Variants in CCSER1 observed in about 807,000 individuals in gnomAD.
CCSER1 encodes the protein serine-rich coiled-coil domain-containing protein 1.
In CCSER1, 41 loss-of-function variants were observed where a neutral mutation model predicts 82.0. That is an observed-to-expected ratio of 0.50 (90% CI 0.39 to 0.65). The LOEUF is 0.65. Among genes scored for constraint, CCSER1 ranks in the 30% least tolerant of loss-of-function variants. CCSER1 has a pLI of 0.00. For synonymous variants in CCSER1, 414 were observed against 383.9 expected (o/e 1.08, Z -0.92); for missense variants, 1,119 against 1,064.2 (o/e 1.05, Z -0.72).
intron 1 of CCSER1, among the ~76,000 whole-genome samples, chr4:90,147,784 T>A (rs563301716): frequency 6.6e-6 from 1 of 152,118 alleles, no homozygotes; most frequent in South Asian, 2.1e-4. Context: ...AAAAAAAAAG[T>A]AAGATTGTGA....
intron 6 of CCSER1, among the ~76,000 whole-genome samples, chr4:90,698,071 G>C (rs1480262703): frequency 6.6e-6 from 1 of 152,170 alleles, no homozygotes; most frequent in African/African-American, 2.4e-5. Flanking sequence ...TACCAAACAA[G>C]AGCATTTTCA....
intron 10 of CCSER1, among the ~76,000 whole-genome samples, chr4:91,349,787 C>A (rs1382034611): frequency 7.4e-6 from 1 of 135,440 alleles, no homozygotes; most frequent in Non-Finnish European, 1.5e-5. Context: ...GTTTGGGGGC[C>A]TCGTAAGATT....
At chr4:90,148,232 A>G (rs2153347422) in intron 1 of CCSER1, among the ~76,000 whole-genome samples, 1 of 152,338 alleles carries the variant, frequency 6.6e-6, no homozygotes, top group South Asian at 2.1e-4. Context: ...AACCTTTAGG[A>G]GTTAAAGAAA....
At chr4:90,668,525 C>T (rs966296302) in intron 6 of CCSER1, among the ~76,000 whole-genome samples, 1 of 151,824 alleles carries the variant, frequency 6.6e-6, no homozygotes, top group East Asian at 1.9e-4. Flanking sequence ...TTATTATGAA[C>T]AAAATATTCA....
At chr4:91,504,414 A>T (rs904360689) in intron 10 of CCSER1, among the ~76,000 whole-genome samples, 2 of 152,164 alleles carry the variant, frequency 1.3e-5, no homozygotes, top group African/African-American at 4.8e-5. Flanking sequence ...AATAGGAGGT[A>T]TAGGACTTAT....
At chr4:91,331,030 T>C (rs1038130219) in intron 10 of CCSER1, among the ~76,000 whole-genome samples, 1 of 152,064 alleles carries the variant, frequency 6.6e-6, no homozygotes, top group African/African-American at 2.4e-5. Flanking sequence ...AAAACCATAG[T>C]GTGTGTAGCG....
chr4:91,315,755 C>G (rs762822587), intron 10 of CCSER1, among the ~76,000 whole-genome samples: 1 of 152,004 alleles, frequency 6.6e-6, no homozygotes, highest in African/African-American at 2.4e-5. Flanking sequence ...ATGAATACTA[C>G]AGCATAGCAG....
chr4:90,851,628 TCAAA>T (rs959247855), intron 8 of CCSER1, among the ~76,000 whole-genome samples: 3 of 147,342 alleles, frequency 2.0e-5, no homozygotes, highest in African/African-American at 7.4e-5. Context: ...TTTTACCCAC[TCAAA>T]CAAGTATTCT....
At chr4:90,411,828 A>G (rs1754891111) in intron 4 of CCSER1, among the ~76,000 whole-genome samples, 1 of 152,168 alleles carries the variant, frequency 6.6e-6, no homozygotes, top group African/African-American at 2.4e-5. Context: ...GAGGCAGTCA[A>G]ATTGTCCCTG....
chr4:91,416,030 T>C (rs146817299), intron 10 of CCSER1, among the ~76,000 whole-genome samples: 1,920 of 152,182 alleles, frequency 0.013, 38 homozygotes, highest in African/African-American at 0.044. Context: ...CTTGTCCTGG[T>C]CTTTTTTAAT....
chr4:90,933,000 GAAAGAAAGAAAGAAAGAA>G (rs1273646402), intron 9 of CCSER1, among the ~76,000 whole-genome samples: 1 of 63,284 alleles, frequency 1.6e-5, no homozygotes, highest in African/African-American at 1.2e-4. Context: ...AAGAAAGAAA[GAAAGAAAGAAAGAAAGAA>G]AGAAAGAAAG....
intron 7 of CCSER1, chr4:90,781,656 A>T (rs1424935382): frequency 4.1e-6 from 4 of 973,528 alleles, no homozygotes; most frequent in Non-Finnish European, 4.9e-6. Flanking sequence ...GTAGCTTTAC[A>T]TGTATTAAGC....
In CCSER1 at chr4:91,291,385, G is replaced by A. The variant is rs189086409; in HGVS notation, c.2217+205391G>A. 6.3e-4 allele frequency among the ~76,000 whole-genome samples: 95 copies of A among 151,832 alleles called. 2 individuals carry two copies. The highest frequency in any genetic ancestry group is 2.6e-4 in the Admixed American group (4 of 15,206). On this transcript the variant is annotated intron_variant, in intron 10 of 10. Coordinates refer to ENST00000509176, the MANE Select transcript of CCSER1 (RefSeq NM_001145065.2). Reference sequence around the variant, plus strand: ...AAAGGCTCTGTATTTGTTAGTTCTCGCACTGCTACGAAGAAACACCCGAGA... The same window carrying A: ...AAAGGCTCTGTATTTGTTAGTTCTCACACTGCTACGAAGAAACACCCGAGA...
chr4:90,131,523 G>T (rs1008343024), intron 1 of CCSER1, among the ~76,000 whole-genome samples: 1 of 151,990 alleles, frequency 6.6e-6, no homozygotes, highest in Non-Finnish European at 1.5e-5. Flanking sequence ...AAGAATAACA[G>T]TATTAATAGT....
chr4:91,427,222 G>T (rs1420226525), intron 10 of CCSER1, among the ~76,000 whole-genome samples: 2 of 152,140 alleles, frequency 1.3e-5, no homozygotes, highest in Non-Finnish European at 2.9e-5. Flanking sequence ...GCACTTTTCA[G>T]ATGGGACACA....
intron 1 of CCSER1, among the ~76,000 whole-genome samples, chr4:90,133,869 A>G (rs1723213678): frequency 6.6e-6 from 1 of 152,240 alleles, no homozygotes; most frequent in Non-Finnish European, 1.5e-5. Flanking sequence ...CCTGATAAAT[A>G]GTGCCTAAAA....
intron 10 of CCSER1, among the ~76,000 whole-genome samples, chr4:91,093,988 G>T (rs1385567073): frequency 6.6e-6 from 1 of 152,166 alleles, no homozygotes; most frequent in Non-Finnish European, 1.5e-5. Flanking sequence ...CTGACCCCAG[G>T]CTGTGCTTCT....
At chr4:91,536,804 T>C (rs1761320636) in intron 10 of CCSER1, among the ~76,000 whole-genome samples, 1 of 152,110 alleles carries the variant, frequency 6.6e-6, no homozygotes, top group Non-Finnish European at 1.5e-5. Context: ...TTATCCCTTA[T>C]AGTTCCCTAT....
chr4:90,391,485 T>TATATATAC (rs1438072458), intron 3 of CCSER1, among the ~76,000 whole-genome samples: 27 of 76,648 alleles, frequency 3.5e-4, no homozygotes, highest in Non-Finnish European at 4.9e-4. Flanking sequence ...TATATATATA[T>TATATATAC]ACACACACAC....
Sources: allele counts gnomAD v4.1 joint callset (sites outside exome capture counted in the v4.1 genomes callset), GRCh38; gene constraint gnomAD v4.1.1; transcripts MANE v1.5; gene names NCBI Gene and HGNC (gene_info 2026-07-23, HGNC 2026-07-21).